Variants in MED25 observed in about 807,000 individuals in gnomAD.
MED25 encodes the protein mediator complex subunit 25, also known as mediator of RNA polymerase II transcription subunit 25.
In MED25, 62 loss-of-function variants were observed where a neutral mutation model predicts 89.4. The ratio of observed to expected loss-of-function variants is 0.69; its 90% CI spans 0.57 to 0.86. MED25 has a LOEUF of 0.86. MED25 is among the 40% of genes least tolerant of loss of function. The pLI is 0.00. For missense variants in MED25, 905 were observed against 1,005.2 expected, an observed-to-expected ratio of 0.90 and a Z score of 1.35; for synonymous variants, 449 against 427.9, an observed-to-expected ratio of 1.05 and a Z score of -0.61.
In MED25 at chr19:49,834,935, G is replaced by A. The variant is rs771736670; in HGVS notation, c.1483-51G>A. On this transcript the variant is annotated intron_variant, in intron 13 of 17. Transcript: ENST00000312865. The surrounding 1 kb of genome is among the most constrained non-coding windows in gnomAD (Gnocchi z 4.1). ...CCTTCTGGAATGGGGAGGGGGTCAGGGCTGCCTCTTTCAGGGCCTGAATGG... is the reference window on the plus strand; with the variant it reads ...CCTTCTGGAATGGGGAGGGGGTCAGAGCTGCCTCTTTCAGGGCCTGAATGG... The A allele has an allele frequency of 1.9e-6, 3 of 1,597,746 alleles. No individual in the cohort carries two copies. The South Asian group carries it at 3.3e-5, about 18-fold the overall frequency.
At chr19:49,832,198 C>T in intron 12 of MED25, 41 bp downstream of exon 12, 2 of 1,603,846 alleles carry the variant, frequency 1.2e-6, no homozygotes, top group Non-Finnish European at 1.7e-6. Context: ...CCGGGCAGTC[C>T]TCACCCTGCT....
Position 49,819,258 on chromosome 19 carries a change from C to T in MED25, c.267C>T (p.Ser89=), listed in dbSNP as rs968006575. 1 of 1,614,242 alleles carries T rather than the reference C, an allele frequency of 6.2e-7. No individual in the cohort carries two copies. The highest frequency in any genetic ancestry group is 8.5e-7 in the Non-Finnish European group (1 of 1,180,042). ...ESYVQCHAPT[S]SAYEFVTWLD... ...ACGTACAATGTCACGCTCCCACCAG[C>T]AGCGCCTATGAGTTTGTCACCTGGC... The change falls in exon 3 of 18, where the codon AGC becomes AGT. Residue 89 remains serine, a synonymous_variant. Transcript: ENST00000312865.
chr19:49,836,830 T>TC lies in MED25; in HGVS notation c.2147-13dup. The stretch of plus-strand genomic sequence containing the variant: ...GGGCCTACTGGGAGATGCAGTCCCT[T>TC]CCCCACTGCCCCTCAGGTCAGATGC... On this transcript the variant is annotated splice_polypyrimidine_tract_variant and intron_variant, in intron 17 of 17. Transcript: ENST00000312865. This position sits in a 1 kb window ranked among gnomAD's most constrained non-coding sequence, Gnocchi z 5.1. The TC allele has an allele frequency of 3.1e-6, 5 of 1,599,208 alleles. No homozygotes were observed. The highest frequency in any genetic ancestry group is 4.3e-6 in the Non-Finnish European group (5 of 1,169,048).
intron 3 of MED25, among the ~76,000 whole-genome samples, chr19:49,824,075 C>A (rs2074000228): frequency 6.6e-6 from 1 of 152,230 alleles, no homozygotes; most frequent in Admixed American, 6.5e-5. Context: ...AAGTCTGATG[C>A]TCCTCAAGTG....
In MED25 at chr19:49,836,787, G is replaced by C; in HGVS notation, c.2147-60G>C. On this transcript the variant is annotated intron_variant, in intron 17 of 17. Transcript: ENST00000312865. This position sits in a 1 kb window ranked among gnomAD's most constrained non-coding sequence, Gnocchi z 5.1. ...GCTGCCTAGAAAACTTAGTGCCTCT[G>C]GGCCCTCCTGGGCCCAAGGGCCTAC... is the stretch of plus-strand genomic sequence containing the variant. The C allele has an allele frequency of 7.6e-7, 1 of 1,319,498 alleles. No individual in the cohort carries two copies. The highest frequency in any genetic ancestry group is 1.2e-5 in the South Asian group (1 of 82,090). 81.7% of individuals were successfully genotyped at this position (1,319,498 alleles called of 1,614,324 possible).
rs1441155267 is a variant in MED25, at chr19:49,828,538, G to A, written c.395G>A (p.Arg132His). 8 of 1,613,056 alleles carry A rather than the reference G, an allele frequency of 5.0e-6. No individual in the cohort carries two copies. The highest frequency in any genetic ancestry group is 5.9e-6 in the Non-Finnish European group (7 of 1,179,172). ...CTGTTTGATGACTTCAAGAAGATGC[G>A]CGAGCAGATGTGAGTGCCCCCTCCA... ...LQLFDDFKKM[R>H]EQIGQTHRVC... The change falls in exon 4 of 18, where the codon CGC (arginine) becomes CAC (histidine). Residue 132 changes from arginine to histidine, a missense_variant. Transcript: ENST00000312865.
chr19:49,821,837 AT>A (rs1381044729), intron 3 of MED25, among the ~76,000 whole-genome samples: 1 of 140,694 alleles, frequency 7.1e-6, no homozygotes, highest in South Asian at 2.3e-4. Flanking sequence ...AAAAAAAAAA[AT>A]TTTGTAGTGG....
At position 49,830,790 on chromosome 19, in the gene MED25, C is replaced by T. The variant is rs145770066; in HGVS notation, c.1004C>T (p.Ala335Val). 6.7e-3 allele frequency: 10,733 copies of T among 1,613,014 alleles called. 44 individuals carry two copies. Among genetic ancestry groups the T allele is most frequent in the Non-Finnish European group, 8.3e-3 (9,790 of 1,179,448 alleles). Reference protein sequence around the residue: ...APQLPPGPPGAPKPPPASQPS... With the variant: ...APQLPPGPPGVPKPPPASQPS... Reference sequence around the variant, plus strand: ...CAACTACCCCCAGGACCCCCTGGCGCCCCCAAGCCACCACCTGCTTCCCAG... The same window carrying T: ...CAACTACCCCCAGGACCCCCTGGCGTCCCCAAGCCACCACCTGCTTCCCAG... The change falls in exon 9 of 18, where the codon GCC becomes GTC. Residue 335 changes from alanine to valine, a missense_variant. Coordinates refer to ENST00000312865, the MANE Select transcript of MED25 (RefSeq NM_030973.4). This position sits in a 1 kb window ranked among gnomAD's most constrained non-coding sequence, Gnocchi z 4.6.
Position 49,830,938 on chromosome 19 carries a change from G to T in MED25, c.1101+51G>T, listed in dbSNP as rs765471815. On this transcript the variant is annotated intron_variant, in intron 9 of 17. Coordinates refer to ENST00000312865, the MANE Select transcript of MED25 (RefSeq NM_030973.4). This position sits in a 1 kb window ranked among gnomAD's most constrained non-coding sequence, Gnocchi z 4.6. The stretch of plus-strand genomic sequence containing the variant: ...CTGCTCCTTCCTCCTGCTGTCCACA[G>T]CTAGGACAGTTAGAGGATGAGTCAT... 9.7e-6 allele frequency: 15 copies of T among 1,539,000 alleles called. No individual in the cohort carries two copies. The highest frequency in any genetic ancestry group is 1.2e-5 in the Non-Finnish European group (14 of 1,126,458).
intron 4 of MED25, 61 bp from the exon 5 acceptor site, chr19:49,828,909 C>G: frequency 6.2e-7 from 1 of 1,609,768 alleles, no homozygotes; most frequent in Non-Finnish European, 8.5e-7. Context: ...GGTGCTGGGT[C>G]TGGGTTCCTT....
In MED25 at chr19:49,830,470, GGTCCTCACCAGTCCCTTCCC is replaced by G; in HGVS notation, c.820-40_820-21del. The stretch of plus-strand genomic sequence containing the variant: ...TGGGATACCAGGACTGGGGGGCCAT[GGTCCTCACCAGTCCCTTCCC>G]TTCTTCCCTTCTACCCACAGGTTCC... On this transcript the variant is annotated intron_variant, in intron 7 of 17. Coordinates refer to ENST00000312865, the MANE Select transcript of MED25 (RefSeq NM_030973.4). The surrounding 1 kb of genome is among the most constrained non-coding windows in gnomAD (Gnocchi z 4.6). 3 of 1,587,848 alleles carry G rather than the reference GGTCCTCACCAGTCCCTTCCC, an allele frequency of 1.9e-6. No individual in the cohort carries two copies. The highest frequency in any genetic ancestry group is 2.6e-6 in the Non-Finnish European group (3 of 1,156,654).
In MED25 at chr19:49,831,960, G is replaced by A. The variant is rs1210202828; in HGVS notation, c.1255G>A (p.Ala419Thr). 1.2e-6 allele frequency: 2 copies of A among 1,613,980 alleles called. No individual in the cohort carries two copies. Among genetic ancestry groups the A allele is most frequent in the East Asian group, 4.5e-5 (2 of 44,874 alleles). The part of the protein sequence containing the change: ...QEKPKPASVD[A>T]NTKLTRSLPC... ...GAAACCCAAACCTGCCTCAGTGGATGCCAACACCAAGCTGACGCGGTCACT... is the reference window on the plus strand; with the variant it reads ...GAAACCCAAACCTGCCTCAGTGGATACCAACACCAAGCTGACGCGGTCACT... Residue 419 changes from alanine to threonine, a missense_variant, in exon 11 of 18, where the codon GCC (alanine) becomes ACC (threonine). Physicochemically the swap from Ala to Thr is moderately conservative, Grantham distance 58. Coordinates refer to ENST00000312865, the MANE Select transcript of MED25 (RefSeq NM_030973.4). This position sits in a 1 kb window ranked among gnomAD's most constrained non-coding sequence, Gnocchi z 5.0.
rs773627830 is a variant in MED25, at chr19:49,819,310, C to G, written c.305+14C>G. The G allele has an allele frequency of 6.4e-6, 9 of 1,397,502 alleles. No homozygotes were observed. Among genetic ancestry groups the G allele is most frequent in the Middle Eastern group, 1.9e-4 (1 of 5,324 alleles). The allele number at this position is 1,397,502 out of a possible 1,614,324, so 86.6% of individuals were successfully genotyped here. On this transcript the variant is annotated intron_variant, in intron 3 of 17. Coordinates refer to ENST00000312865, the MANE Select transcript of MED25 (RefSeq NM_030973.4). ...CGATGGCATTAAGTGAGCTTTCCCC[C>G]ACTTGGGGTGGGTTGCTGGTCCCTG...
At chr19:49,832,726 T>C (rs915870892) in intron 13 of MED25, among the ~76,000 whole-genome samples, 2 of 152,144 alleles carry the variant, frequency 1.3e-5, no homozygotes, top group Non-Finnish European at 2.9e-5. Flanking sequence ...GGTAACACAT[T>C]ACCACAAGCA....
chr19:49,823,645 A>G (rs1468394930), intron 3 of MED25, among the ~76,000 whole-genome samples: 1 of 152,138 alleles, frequency 6.6e-6, no homozygotes, highest in Non-Finnish European at 1.5e-5. Context: ...TTACCTCTGT[A>G]TGCTTCTGCA....
Position 49,819,254 on chromosome 19 carries a change from C to T in MED25, c.263C>T (p.Thr88Ile), listed in dbSNP as rs767846946. The T allele has an allele frequency of 6.2e-7, 1 of 1,614,246 alleles. No individual in the cohort carries two copies. Among genetic ancestry groups the T allele is most frequent in the African/African-American group, 1.3e-5 (1 of 75,060 alleles). ...PESYVQCHAPTSSAYEFVTWL... is the reference protein window; with the variant it reads ...PESYVQCHAPISSAYEFVTWL... The stretch of plus-strand genomic sequence containing the variant: ...TCCTACGTACAATGTCACGCTCCCA[C>T]CAGCAGCGCCTATGAGTTTGTCACC... The change falls in exon 3 of 18, where the codon ACC (threonine) becomes ATC (isoleucine). Residue 88 changes from threonine (T) to isoleucine (I), a missense_variant. Thr to Ile is a moderately conservative substitution (Grantham distance 89, BLOSUM62 -1). This residue lies in a region of MED25 where 501 missense variants were observed against 526.9 expected (regional missense o/e 0.95). Transcript: ENST00000312865.
chr19:49,820,981 T>C (rs1298152735), intron 3 of MED25, among the ~76,000 whole-genome samples: 4 of 152,256 alleles, frequency 2.6e-5, no homozygotes, highest in Non-Finnish European at 5.9e-5. Context: ...TATAATAGAT[T>C]ACCACCAAAT....
At chr19:49,823,587 C>G (rs1237336383) in intron 3 of MED25, among the ~76,000 whole-genome samples, 1 of 152,118 alleles carries the variant, frequency 6.6e-6, no homozygotes, top group African/African-American at 2.4e-5. Flanking sequence ...CGCTTAGGGC[C>G]TGGTCTGCAG....
Position 49,830,688 on chromosome 19 carries a change from CCA to C in MED25, c.908-3_908-2del, listed in dbSNP as rs766739944. ...TCCCCACTTCTTCCCTTGGTCTCTC[CCA>C]CAGTCTCGCCCATCACCCCTCTCCA... On this transcript the variant is annotated splice_region_variant and splice_polypyrimidine_tract_variant and intron_variant, in intron 8 of 17. Coordinates refer to ENST00000312865, the MANE Select transcript of MED25 (RefSeq NM_030973.4). This position sits in a 1 kb window ranked among gnomAD's most constrained non-coding sequence, Gnocchi z 4.6. 12 of 1,613,954 alleles carry C rather than the reference CCA, an allele frequency of 7.4e-6. No homozygotes were observed. The highest frequency in any genetic ancestry group is 9.3e-6 in the Non-Finnish European group (11 of 1,179,928).
Sources: allele counts gnomAD v4.1 joint callset (sites outside exome capture counted in the v4.1 genomes callset), GRCh38; gene constraint gnomAD v4.1.1; regional missense constraint gnomAD v4.1.1; non-coding constraint Gnocchi (gnomAD v3.1); transcripts MANE v1.5; gene names NCBI Gene and HGNC (gene_info 2026-07-23, HGNC 2026-07-21).